The following ARHGAP44 variants were observed in gnomAD, a reference collection of about 807,000 sequenced individuals.
ARHGAP44 encodes the protein rho GTPase-activating protein 44.
Under a neutral mutation model 106.8 loss-of-function variants are expected in ARHGAP44, and 43 were observed. The observed-to-expected ratio is 0.40, with a 90% CI of 0.32 to 0.52. ARHGAP44 has a LOEUF of 0.52. Among genes scored for constraint, ARHGAP44 ranks in the 20% least tolerant of loss-of-function variants. The pLI, the probability that ARHGAP44 is intolerant of heterozygous loss-of-function variation, is 0.48. For missense variants in ARHGAP44, 866 were observed against 1,050.5 expected, an observed-to-expected ratio of 0.82 and a Z score of 2.43; for synonymous variants, 439 against 410.3, an observed-to-expected ratio of 1.07 and a Z score of -0.85.
intron 7 of ARHGAP44, among the ~76,000 whole-genome samples, chr17:12,931,455 A>C (rs1291094871): frequency 6.6e-6 from 1 of 151,910 alleles, no homozygotes; most frequent in East Asian, 1.9e-4. Flanking sequence ...CATCCTGAAC[A>C]TCTCTCTAGG....
At chr17:12,919,864 T>C (rs2038023495) in intron 6 of ARHGAP44, 33 bp downstream of exon 6, 1 of 1,578,290 alleles carries the variant, frequency 6.3e-7, no homozygotes, top group East Asian at 2.2e-5. Context: ...TTTGCTTCTT[T>C]GAAGGGACAG....
chr17:12,826,554 A>G (rs1465596790), intron 1 of ARHGAP44, among the ~76,000 whole-genome samples: 1 of 152,136 alleles, frequency 6.6e-6, no homozygotes, highest in Admixed American at 6.5e-5. Context: ...AATGCTCTTC[A>G]ATTTTATTGG....
intron 19 of ARHGAP44, among the ~76,000 whole-genome samples, chr17:12,984,064 T>A (rs1216955629): frequency 6.6e-6 from 1 of 152,130 alleles, no homozygotes; most frequent in East Asian, 1.9e-4. Flanking sequence ...CAGTTTTCTA[T>A]CCCGAGGACC....
intron 1 of ARHGAP44, among the ~76,000 whole-genome samples, chr17:12,866,004 A>G (rs1048550042): frequency 6.6e-6 from 1 of 152,136 alleles, no homozygotes; most frequent in African/African-American, 2.4e-5. Context: ...GAAAACCCTA[A>G]TAATAGCTTG....
intron 18 of ARHGAP44, among the ~76,000 whole-genome samples, chr17:12,978,078 AGAAG>A (rs931259792): frequency 1.4e-5 from 2 of 145,210 alleles, no homozygotes; most frequent in African/African-American, 5.1e-5. Flanking sequence ...GGCAGGGAAC[AGAAG>A]GAAGAGCTCA....
intron 1 of ARHGAP44, among the ~76,000 whole-genome samples, chr17:12,872,640 GT>G (rs889922787): frequency 6.6e-6 from 1 of 152,254 alleles, no homozygotes; most frequent in South Asian, 2.1e-4. Context: ...CAGCCTGATG[GT>G]TTTTTCCCCT....
At position 12,975,341 on chromosome 17, in the gene ARHGAP44, G is replaced by T. The variant is rs905341706; in HGVS notation, c.1763+1031G>T. 4.6e-5 allele frequency among the ~76,000 whole-genome samples: 7 copies of T among 151,912 alleles called. 1 individual carries two copies. Among genetic ancestry groups the T allele is most frequent in the Non-Finnish European group, 1.0e-4 (7 of 67,988 alleles). ...TTTTTTCTTTTGATGCCGCTAAAAT[G>T]GGTGCAAGTCAGGGAATGAATGGAG... On this transcript the variant is annotated intron_variant, in intron 18 of 20. Transcript: ENST00000379672.
At chr17:12,833,334 T>A (rs761676001) in intron 1 of ARHGAP44, among the ~76,000 whole-genome samples, 2 of 152,246 alleles carry the variant, frequency 1.3e-5, no homozygotes, top group African/African-American at 4.8e-5. Flanking sequence ...ATAGTCCTGA[T>A]GACATAATAA....
chr17:12,905,248 G>A (rs1318140373), intron 3 of ARHGAP44, among the ~76,000 whole-genome samples: 1 of 152,122 alleles, frequency 6.6e-6, no homozygotes, highest in Non-Finnish European at 1.5e-5. Flanking sequence ...GCAGGAGGGA[G>A]AGGTTATGCT....
intron 9 of ARHGAP44, 43 bp from the exon 10 acceptor site, chr17:12,944,026 C>A: frequency 6.5e-7 from 1 of 1,549,854 alleles, no homozygotes; most frequent in South Asian, 1.2e-5. Context: ...CATGAGTGAA[C>A]TTGGCGAACA....
chr17:12,949,010 G>A lies in ARHGAP44; in HGVS notation c.862-130G>A. On this transcript the variant is annotated intron_variant, in intron 10 of 20. Transcript: ENST00000379672. The surrounding 1 kb of genome is among the most constrained non-coding windows in gnomAD (Gnocchi z 4.1). ...ACATTGAGAAAGCAGGCAACTGGGGGATTGGGAGATGGTGTTGGGCAAATG... is the reference window on the plus strand; with the variant it reads ...ACATTGAGAAAGCAGGCAACTGGGGAATTGGGAGATGGTGTTGGGCAAATG... The A allele has an allele frequency of 2.3e-6, 2 of 885,586 alleles. No individual in the cohort carries two copies. The highest frequency in any genetic ancestry group is 1.7e-5 in the African/African-American group (1 of 60,560). The allele number at this position is 885,586 out of a possible 1,614,324, so 54.9% of individuals were successfully genotyped here.
intron 1 of ARHGAP44, among the ~76,000 whole-genome samples, chr17:12,796,237 A>C (rs1213614440): frequency 6.6e-6 from 1 of 151,648 alleles, no homozygotes; most frequent in Non-Finnish European, 1.5e-5. Context: ...TTTATATTAC[A>C]TCTTGGATAT....
At chr17:12,828,179 A>G (rs79011225) in intron 1 of ARHGAP44, among the ~76,000 whole-genome samples, 2,049 of 152,192 alleles carry the variant, frequency 0.013, 41 homozygotes, top group African/African-American at 0.045. Context: ...AGATGATTAT[A>G]TTGTCTACAA....
chr17:12,894,853 T>A, intron 1 of ARHGAP44, 87 bp from the exon 2 acceptor site: 1 of 1,197,006 alleles, frequency 8.4e-7, no homozygotes, highest in Non-Finnish European at 1.2e-6. Flanking sequence ...GTTTTTCTGG[T>A]ATTGCCTTAA....
At chr17:12,984,968 G>A in intron 20 of ARHGAP44, 60 bp downstream of exon 20, 1 of 1,534,602 alleles carries the variant, frequency 6.5e-7, no homozygotes. Context: ...TGTGCCTAGG[G>A]GAGGGATTGC....
At chr17:12,831,483 A>T (rs749937361) in intron 1 of ARHGAP44, among the ~76,000 whole-genome samples, 8 of 152,258 alleles carry the variant, frequency 5.3e-5, no homozygotes, top group Non-Finnish European at 1.0e-4. Context: ...CTTTAAAGGG[A>T]GAATAGGGGA....
intron 12 of ARHGAP44, among the ~76,000 whole-genome samples, chr17:12,952,105 G>A (rs1221006549): frequency 1.3e-5 from 2 of 152,154 alleles, no homozygotes; most frequent in East Asian, 3.9e-4. Context: ...ACTCAAAAAG[G>A]ACACATCCTT....
chr17:12,859,001 A>G (rs926749041), intron 1 of ARHGAP44, among the ~76,000 whole-genome samples: 6 of 152,148 alleles, frequency 3.9e-5, no homozygotes, highest in South Asian at 2.1e-4. Flanking sequence ...CCATGATTCA[A>G]TTCTCTCCCA....
At chr17:12,876,922 A>T (rs2150892205) in intron 1 of ARHGAP44, among the ~76,000 whole-genome samples, 1 of 151,984 alleles carries the variant, frequency 6.6e-6, no homozygotes, top group East Asian at 1.9e-4. Context: ...AAAAAAAAAA[A>T]AAAAAAGAAG....
Sources: allele counts gnomAD v4.1 joint callset (sites outside exome capture counted in the v4.1 genomes callset), GRCh38; gene constraint gnomAD v4.1.1; non-coding constraint Gnocchi (gnomAD v3.1); transcripts MANE v1.5; gene names NCBI Gene and HGNC (gene_info 2026-07-23, HGNC 2026-07-21).